Variants in PRKG2 observed in about 807,000 individuals in gnomAD.
PRKG2 encodes the protein cGMP-dependent protein kinase 2.
In PRKG2, 33 loss-of-function variants were observed where a neutral mutation model predicts 97.2. That is an observed-to-expected ratio of 0.34 (90% CI 0.26 to 0.45). The LOEUF is 0.45. Ranked by LOEUF, PRKG2 falls within the 20% of genes least tolerant of loss-of-function variation. The pLI, the probability that PRKG2 is intolerant of heterozygous loss-of-function variation, is 1.00. For synonymous variants in PRKG2, 330 were observed against 321.8 expected, an observed-to-expected ratio of 1.03 and a Z score of -0.27; for missense variants, 638 against 900.0, an observed-to-expected ratio of 0.71 and a Z score of 3.73.
At chr4:81,189,779 GA>G (rs1318523108) in intron 2 of PRKG2, among the ~76,000 whole-genome samples, 2 of 149,554 alleles carry the variant, frequency 1.3e-5, no homozygotes, top group South Asian at 2.2e-4. Context: ...ATAATAAAAA[GA>G]AAAAAAACAG....
At chr4:81,152,934 CCT>C (rs1748561166) in intron 7 of PRKG2, among the ~76,000 whole-genome samples, 1 of 152,104 alleles carries the variant, frequency 6.6e-6, no homozygotes, top group Non-Finnish European at 1.5e-5. Context: ...TGCCTGACTC[CCT>C]GATGGTAAAC....
chr4:81,116,183 G>A (rs1744498512), intron 14 of PRKG2, among the ~76,000 whole-genome samples: 1 of 151,970 alleles, frequency 6.6e-6, no homozygotes, highest in Non-Finnish European at 1.5e-5. Context: ...TCTCCCTCCT[G>A]CTATCCTCCA....
intron 17 of PRKG2, among the ~76,000 whole-genome samples, chr4:81,101,760 C>G (rs1181766031): frequency 6.9e-6 from 1 of 144,470 alleles, no homozygotes; most frequent in Admixed American, 6.8e-5. Flanking sequence ...AAAAAAAAAA[C>G]AAAATTAAAG....
intron 2 of PRKG2, among the ~76,000 whole-genome samples, chr4:81,184,123 C>G (rs1042217087): frequency 6.6e-6 from 1 of 152,178 alleles, no homozygotes; most frequent in Non-Finnish European, 1.5e-5. Flanking sequence ...GCGTATCTCC[C>G]AGCACAGAGC....
intron 17 of PRKG2, among the ~76,000 whole-genome samples, chr4:81,095,661 C>T (rs573912882): frequency 3.3e-5 from 5 of 152,260 alleles, no homozygotes; most frequent in East Asian, 1.9e-4. Context: ...GTAATGCAAG[C>T]GCCAGCATGC....
At chr4:81,132,011 T>A (rs186999345) in intron 14 of PRKG2, among the ~76,000 whole-genome samples, 9 of 152,266 alleles carry the variant, frequency 5.9e-5, no homozygotes, top group Admixed American at 5.2e-4. Context: ...ATATTGAATC[T>A]TAGAGAGTAG....
chr4:81,114,233 T>C (rs1311147407), intron 14 of PRKG2, among the ~76,000 whole-genome samples: 4 of 151,906 alleles, frequency 2.6e-5, no homozygotes, highest in Non-Finnish European at 5.9e-5. Flanking sequence ...TAGTTGTGAA[T>C]AAATCTAGCT....
intron 2 of PRKG2, 62 bp downstream of exon 2, chr4:81,204,525 G>T: frequency 1.4e-6 from 2 of 1,441,466 alleles, no homozygotes; most frequent in Non-Finnish European, 1.9e-6. Context: ...CTTAATAAAT[G>T]TCACTCTCAT....
At chr4:81,101,847 G>C (rs1362269336) in intron 17 of PRKG2, among the ~76,000 whole-genome samples, 1 of 151,986 alleles carries the variant, frequency 6.6e-6, no homozygotes, top group African/African-American at 2.4e-5. Context: ...TTAGAAAGAA[G>C]CTTTTTTGTT....
chr4:81,149,206 C>T (rs1748149278), intron 8 of PRKG2, among the ~76,000 whole-genome samples: 1 of 152,036 alleles, frequency 6.6e-6, no homozygotes, highest in Non-Finnish European at 1.5e-5. Flanking sequence ...TAAGTGACTA[C>T]AAATGTTTAT....
intron 6 of PRKG2, among the ~76,000 whole-genome samples, chr4:81,157,257 G>T (rs1224028456): frequency 2.6e-5 from 4 of 151,950 alleles, no homozygotes; most frequent in Admixed American, 2.6e-4. Context: ...TATCACCACC[G>T]ATCCCACAGA....
At chr4:81,156,973 A>G (rs1749158103) in intron 6 of PRKG2, among the ~76,000 whole-genome samples, 1 of 152,208 alleles carries the variant, frequency 6.6e-6, no homozygotes, top group Admixed American at 6.5e-5. Flanking sequence ...CACAAGAGAA[A>G]GCAGGAAAGA....
At chr4:81,207,936 C>A (rs1344946475) in intron 1 of PRKG2, among the ~76,000 whole-genome samples, 1 of 152,136 alleles carries the variant, frequency 6.6e-6, no homozygotes, top group Non-Finnish European at 1.5e-5. Context: ...TAAGCTATTT[C>A]TCAAATATGT....
intron 1 of PRKG2, among the ~76,000 whole-genome samples, chr4:81,210,958 A>G (rs1335522977): frequency 6.6e-6 from 1 of 152,136 alleles, no homozygotes; most frequent in East Asian, 1.9e-4. Flanking sequence ...AAGCCTATAC[A>G]TTGTATGATT....
intron 1 of PRKG2, among the ~76,000 whole-genome samples, chr4:81,209,068 G>A (rs946017153): frequency 6.6e-6 from 1 of 152,192 alleles, no homozygotes; most frequent in Non-Finnish European, 1.5e-5. Flanking sequence ...GCAATCGAAT[G>A]AGTAGTGGCA....
At chr4:81,114,310 C>A (rs1263468394) in intron 14 of PRKG2, among the ~76,000 whole-genome samples, 1 of 150,590 alleles carries the variant, frequency 6.6e-6, no homozygotes, top group Non-Finnish European at 1.5e-5. Context: ...AGATGTTCAA[C>A]CTGTGTTTGG....
Position 81,116,765 on chromosome 4 carries a change from T to G in PRKG2, c.1777-6154A>C, listed in dbSNP as rs545379426. On this transcript the variant is annotated intron_variant, in intron 14 of 18. Transcript: ENST00000264399. The stretch of plus-strand genomic sequence containing the variant: ...GTTTTTATTTGCACTTCTCCCATGA[T>G]TAGTGATGTTGAGCATTTTTTTCAT... 9.2e-5 allele frequency among the ~76,000 whole-genome samples: 14 copies of G among 152,210 alleles called. No homozygotes were observed. The East Asian group carries it at 2.5e-3, about 27-fold the overall frequency.
chr4:81,184,854 T>C (rs773482815), intron 2 of PRKG2, among the ~76,000 whole-genome samples: 10 of 152,132 alleles, frequency 6.6e-5, no homozygotes, highest in Non-Finnish European at 1.3e-4. Flanking sequence ...TATACAAGTA[T>C]TGATAGTTGA....
At chr4:81,192,604 G>A (rs1045315668) in intron 2 of PRKG2, among the ~76,000 whole-genome samples, 2 of 152,072 alleles carry the variant, frequency 1.3e-5, no homozygotes, top group African/African-American at 4.8e-5. Context: ...CTATGAATAG[G>A]CATAGTAATT....
Sources: allele counts gnomAD v4.1 joint callset (sites outside exome capture counted in the v4.1 genomes callset), GRCh38; gene constraint gnomAD v4.1.1; transcripts MANE v1.5; gene names NCBI Gene and HGNC (gene_info 2026-07-23, HGNC 2026-07-21).